The following PSTPIP2 variants were observed in gnomAD, a reference collection of about 807,000 sequenced individuals.
PSTPIP2 encodes the protein proline-serine-threonine phosphatase-interacting protein 2.
PSTPIP2 carries 33 observed loss-of-function variants against 63.3 expected under a neutral mutation model. The ratio of observed to expected loss-of-function variants is 0.52; its 90% CI spans 0.40 to 0.70. The LOEUF (loss-of-function observed/expected upper bound fraction) is 0.70, where lower values mean the gene tolerates loss of function less well. Ranked by LOEUF, PSTPIP2 falls within the 30% of genes least tolerant of loss-of-function variation. The pLI is 0.00. For synonymous variants in PSTPIP2, 125 were observed against 132.7 expected (o/e 0.94, Z 0.40); for missense variants, 312 against 400.7 (o/e 0.78, Z 1.89).
Position 46,011,737 on chromosome 18 carries a change from T to C in PSTPIP2, c.248-450A>G, listed in dbSNP as rs556101640. 2.0e-5 allele frequency among the ~76,000 whole-genome samples: 3 copies of C among 152,350 alleles called. No individual in the cohort carries two copies. In the South Asian group the frequency reaches 6.2e-4, roughly 32 times the overall value. On this transcript the variant is annotated intron_variant, in intron 4 of 14. Coordinates refer to ENST00000409746, the MANE Select transcript of PSTPIP2 (RefSeq NM_024430.4). ...AATTTTGGCTACCAATAGTTATCTC[T>C]GGGTAGAAAGATTATTGCTGATTTT...
intron 3 of PSTPIP2, among the ~76,000 whole-genome samples, chr18:46,019,911 G>C (rs1907284637): frequency 1.3e-5 from 2 of 152,008 alleles, no homozygotes; most frequent in South Asian, 4.1e-4. Context: ...CAAAGAATAG[G>C]AAAAAAAGAC....
chr18:46,007,957 C>T (rs554266748), intron 5 of PSTPIP2, among the ~76,000 whole-genome samples: 3 of 152,328 alleles, frequency 2.0e-5, no homozygotes, highest in Admixed American at 1.3e-4. Context: ...CCAGCTCTGT[C>T]TGCTACACTA....
chr18:46,026,550 A>T (rs1907586906), intron 2 of PSTPIP2, among the ~76,000 whole-genome samples: 1 of 152,216 alleles, frequency 6.6e-6, no homozygotes, highest in South Asian at 2.1e-4. Flanking sequence ...AAAATGATAC[A>T]TGCTCATTAC....
At position 45,990,170 on chromosome 18, in the gene PSTPIP2, T is replaced by C. The variant is rs557585830; in HGVS notation, c.955+552A>G. 4.6e-5 allele frequency among the ~76,000 whole-genome samples: 7 copies of C among 152,302 alleles called. No individual in the cohort carries two copies. The South Asian group carries it at 1.4e-3, about 32-fold the overall frequency. Reference sequence around the variant, plus strand: ...TCACAGTCCAAGTTGAAATAATCTTTTAGGTAAAATCTGCTTGCAATAAGT... The same window carrying C: ...TCACAGTCCAAGTTGAAATAATCTTCTAGGTAAAATCTGCTTGCAATAAGT... On this transcript the variant is annotated intron_variant, in intron 13 of 14. Transcript: ENST00000409746.
At chr18:46,017,991 A>G (rs998856853) in intron 3 of PSTPIP2, among the ~76,000 whole-genome samples, 1 of 152,068 alleles carries the variant, frequency 6.6e-6, no homozygotes, top group African/African-American at 2.4e-5. Context: ...TACTTAATGC[A>G]TCTCATCTAC....
chr18:46,069,067 T>C (rs1639172245), intron 1 of PSTPIP2, among the ~76,000 whole-genome samples: 1 of 152,010 alleles, frequency 6.6e-6, no homozygotes, highest in African/African-American at 2.4e-5. Flanking sequence ...ACCTTGGGAA[T>C]CAGGAAGGCC....
intron 1 of PSTPIP2, among the ~76,000 whole-genome samples, chr18:46,055,505 G>A (rs190385346): frequency 1.4e-4 from 21 of 151,964 alleles, no homozygotes; most frequent in South Asian, 4.1e-4. Flanking sequence ...TATTTTTTTC[G>A]TTGAGGTTTC....
At chr18:46,026,918 T>C (rs1015301248) in intron 2 of PSTPIP2, among the ~76,000 whole-genome samples, 1 of 152,154 alleles carries the variant, frequency 6.6e-6, no homozygotes, top group Non-Finnish European at 1.5e-5. Context: ...TAATATTTGA[T>C]GATGATTGTA....
At chr18:46,067,996 A>AT (rs567072979) in intron 1 of PSTPIP2, among the ~76,000 whole-genome samples, 2,631 of 149,920 alleles carry the variant, frequency 0.018, 34 homozygotes, top group Non-Finnish European at 0.027. Context: ...TTCTTTCTGT[A>AT]TTTTTTTTTT....
At chr18:46,008,988 C>G (rs140591995) in intron 5 of PSTPIP2, among the ~76,000 whole-genome samples, 3 of 152,206 alleles carry the variant, frequency 2.0e-5, no homozygotes, top group Non-Finnish European at 4.4e-5. Context: ...GATGACATTA[C>G]GTGTTCCCAC....
At chr18:46,025,287 T>G (rs1907536298) in intron 2 of PSTPIP2, among the ~76,000 whole-genome samples, 1 of 152,156 alleles carries the variant, frequency 6.6e-6, no homozygotes, top group South Asian at 2.1e-4. Flanking sequence ...CCTACTTTTT[T>G]CTTCAGATTT....
At chr18:46,065,451 G>A (rs942225481) in intron 1 of PSTPIP2, among the ~76,000 whole-genome samples, 2 of 151,404 alleles carry the variant, frequency 1.3e-5, no homozygotes, top group African/African-American at 4.9e-5. Context: ...CACCATGCCT[G>A]GCTAATTTTT....
intron 8 of PSTPIP2, 52 bp from the exon 9 acceptor site, chr18:45,997,880 G>A (rs764782557): frequency 1.3e-5 from 19 of 1,508,508 alleles, no homozygotes; most frequent in African/African-American, 4.1e-5. Flanking sequence ...AAGGTGGCTC[G>A]CAGATACACC....
chr18:46,041,113 G>T (rs947485981), intron 1 of PSTPIP2: 1 of 453,604 alleles, frequency 2.2e-6, no homozygotes, highest in East Asian at 6.9e-5. Flanking sequence ...AAGACAAGCA[G>T]CTCTGAGCCA....
intron 1 of PSTPIP2, 92 bp downstream of exon 1, chr18:46,072,064 C>A: frequency 7.0e-7 from 1 of 1,426,466 alleles, no homozygotes; most frequent in Non-Finnish European, 9.2e-7. Context: ...CGAGTGGCGC[C>A]GGAGCTGGGG....
intron 13 of PSTPIP2, among the ~76,000 whole-genome samples, chr18:45,990,424 T>TTTTG (rs144038170): frequency 1.3e-3 from 200 of 151,538 alleles, no homozygotes; most frequent in African/African-American, 1.8e-3. Context: ...TTTGGGGTTT[T>TTTTG]TTTGTTTGTT....
At chr18:46,028,946 A>G in intron 2 of PSTPIP2, 1 of 1,254,266 alleles carries the variant, frequency 8.0e-7, no homozygotes, top group South Asian at 1.2e-5. Context: ...GGTAATGCTG[A>G]ACGTCCTTCT....
chr18:46,010,403 GT>G (rs2051782312), intron 5 of PSTPIP2, among the ~76,000 whole-genome samples: 1 of 152,186 alleles, frequency 6.6e-6, no homozygotes, highest in African/African-American at 2.4e-5. Context: ...AGAAGAGCTT[GT>G]CTCCCATGTG....
At chr18:45,990,380 TAAAG>T (rs754972187) in intron 13 of PSTPIP2, among the ~76,000 whole-genome samples, 2 of 152,222 alleles carry the variant, frequency 1.3e-5, no homozygotes, top group African/African-American at 2.4e-5. Flanking sequence ...TATTTAATTT[TAAAG>T]AAAACCCAAT....
Sources: allele counts gnomAD v4.1 joint callset (sites outside exome capture counted in the v4.1 genomes callset), GRCh38; gene constraint gnomAD v4.1.1; transcripts MANE v1.5; gene names NCBI Gene and HGNC (gene_info 2026-07-23, HGNC 2026-07-21).